Variants in TAFA2 observed in about 807,000 individuals in gnomAD.
TAFA2 encodes chemokine-like protein TAFA-2.
Under a neutral mutation model 18.8 loss-of-function variants are expected in TAFA2, and 7 were observed. The ratio of observed to expected loss-of-function variants is 0.37; its 90% CI spans 0.21 to 0.70. The LOEUF (loss-of-function observed/expected upper bound fraction) is 0.70, where lower values mean the gene tolerates loss of function less well. TAFA2 is among the 30% of genes least tolerant of loss of function. The pLI is 0.53. For synonymous variants in TAFA2, 60 were observed against 54.2 expected, an observed-to-expected ratio of 1.11 and a Z score of -0.47; for missense variants, 122 against 158.1, an observed-to-expected ratio of 0.77 and a Z score of 1.23.
chr12:61,996,631 C>T (rs943726082), intron 1 of TAFA2, among the ~76,000 whole-genome samples: 11 of 152,222 alleles, frequency 7.2e-5, no homozygotes, highest in African/African-American at 2.4e-4. Flanking sequence ...GTCACAGCTG[C>T]CCACAGTTGT....
intron 1 of TAFA2, among the ~76,000 whole-genome samples, chr12:62,250,520 G>A (rs1322220239): frequency 1.3e-5 from 2 of 152,014 alleles, no homozygotes; most frequent in African/African-American, 4.8e-5. Context: ...GTATGTGTGT[G>A]AGTTTTGTTC....
chr12:62,208,467 C>A (rs1349861024), intron 1 of TAFA2, among the ~76,000 whole-genome samples: 1 of 127,634 alleles, frequency 7.8e-6, no homozygotes, highest in Non-Finnish European at 1.7e-5. Context: ...TTTACAGACA[C>A]CACTTCTAGT....
chr12:61,882,446 A>C (rs182000837), intron 1 of TAFA2, among the ~76,000 whole-genome samples: 1 of 152,196 alleles, frequency 6.6e-6, no homozygotes, highest in Non-Finnish European at 1.5e-5. Context: ...TATTTAGAAT[A>C]CTTTGGTAAA....
chr12:62,234,931 G>A (rs769810687), intron 1 of TAFA2: 18 of 794,446 alleles, frequency 2.3e-5, no homozygotes, highest in Non-Finnish European at 3.5e-5. Context: ...CACGGAGGGG[G>A]CATAGCCTGG....
At chr12:62,013,031 A>C (rs1880821319) in intron 1 of TAFA2, among the ~76,000 whole-genome samples, 1 of 152,186 alleles carries the variant, frequency 6.6e-6, no homozygotes, top group Non-Finnish European at 1.5e-5. Flanking sequence ...TGTTTAAAGC[A>C]CAAAGATTAC....
chr12:61,715,810 T>C (rs2120562834), intron 4 of TAFA2, among the ~76,000 whole-genome samples: 1 of 151,658 alleles, frequency 6.6e-6, no homozygotes, highest in East Asian at 1.9e-4. Context: ...TCCCAGCTAC[T>C]CAGGAGGCTA....
chr12:62,097,238 A>G (rs1868991363), intron 1 of TAFA2, among the ~76,000 whole-genome samples: 1 of 152,190 alleles, frequency 6.6e-6, no homozygotes, highest in South Asian at 2.1e-4. Context: ...TAGAACTTGC[A>G]GTAATATAAT....
intron 2 of TAFA2, among the ~76,000 whole-genome samples, chr12:61,861,732 C>T (rs1874137360): frequency 6.6e-6 from 1 of 152,156 alleles, no homozygotes; most frequent in Non-Finnish European, 1.5e-5. Context: ...AACTAAAAAT[C>T]ATCTTTAAAA....
chr12:61,857,099 A>G (rs1873916024), intron 2 of TAFA2, among the ~76,000 whole-genome samples: 1 of 151,946 alleles, frequency 6.6e-6, no homozygotes, highest in South Asian at 2.1e-4. Flanking sequence ...TTTATATTTT[A>G]TATTCTAAAA....
chr12:61,894,675 A>G (rs537376755), intron 1 of TAFA2, among the ~76,000 whole-genome samples: 1 of 152,346 alleles, frequency 6.6e-6, no homozygotes, highest in South Asian at 2.1e-4. Context: ...CAAAAGAGTG[A>G]TAGTGTGGTA....
At chr12:61,734,848 A>G (rs941696041) in intron 4 of TAFA2, among the ~76,000 whole-genome samples, 2 of 151,914 alleles carry the variant, frequency 1.3e-5, no homozygotes, top group Non-Finnish European at 2.9e-5. Flanking sequence ...CCTTTATATT[A>G]TTTTCCCCTT....
At chr12:61,954,119 C>T (rs566400555) in intron 1 of TAFA2, among the ~76,000 whole-genome samples, 26 of 152,144 alleles carry the variant, frequency 1.7e-4, no homozygotes, top group Non-Finnish European at 3.4e-4. Context: ...CCCTCACCTT[C>T]CTCCCCACCT....
intron 1 of TAFA2, among the ~76,000 whole-genome samples, chr12:62,246,805 C>T (rs954304498): frequency 6.6e-6 from 1 of 152,050 alleles, no homozygotes; most frequent in African/African-American, 2.4e-5. Flanking sequence ...TTTGATATGC[C>T]AGCAAAACCA....
chr12:61,766,383 G>A (rs1303617848), intron 2 of TAFA2, among the ~76,000 whole-genome samples: 1 of 152,026 alleles, frequency 6.6e-6, no homozygotes, highest in Admixed American at 6.6e-5. Flanking sequence ...CTTATACAAA[G>A]CATACCTTCA....
intron 1 of TAFA2, among the ~76,000 whole-genome samples, chr12:61,946,302 C>G (rs903130772): frequency 2.0e-5 from 3 of 150,394 alleles, no homozygotes; most frequent in Non-Finnish European, 4.4e-5. Flanking sequence ...ATATAAAAAT[C>G]AATTCAAGAT....
rs572091920 is a variant in TAFA2 at position 61,811,589 on chromosome 12, C to A, written c.106+55731G>T. On this transcript the variant is annotated intron_variant, in intron 2 of 4. Coordinates refer to ENST00000416284, the MANE Select transcript of TAFA2 (RefSeq NM_178539.5). ...GAACATGAGCCATATACAAAAATAA[C>A]CACTATATATCTGTATATAGTAAGT... Among the ~76,000 whole-genome samples the A allele has an allele frequency of 5.9e-5, 9 of 151,434 alleles. No individual in the cohort carries two copies. In the East Asian group the frequency reaches 1.5e-3, roughly 26 times the overall value.
At chr12:62,020,331 C>T (rs1434642405) in intron 1 of TAFA2, among the ~76,000 whole-genome samples, 1 of 152,182 alleles carries the variant, frequency 6.6e-6, no homozygotes, top group Non-Finnish European at 1.5e-5. Flanking sequence ...CAGCCCCCAT[C>T]CTTTCATTTC....
At chr12:62,091,547 A>G (rs1868712938) in intron 1 of TAFA2, among the ~76,000 whole-genome samples, 1 of 151,978 alleles carries the variant, frequency 6.6e-6, no homozygotes. Context: ...AAGGTCACCA[A>G]ACTACCCATG....
intron 1 of TAFA2, chr12:62,258,143 G>T (rs1592423771): frequency 6.6e-6 from 1 of 152,284 alleles, no homozygotes; most frequent in East Asian, 1.9e-4. Context: ...TGATTGCTGT[G>T]AGAATTAAGT....
Sources: allele counts gnomAD v4.1 joint callset (sites outside exome capture counted in the v4.1 genomes callset), GRCh38; gene constraint gnomAD v4.1.1; transcripts MANE v1.5; gene names NCBI Gene and HGNC (gene_info 2026-07-23, HGNC 2026-07-21).